Variants in RBFOX2 observed in about 807,000 individuals in gnomAD.
RBFOX2 encodes RNA binding protein fox-1 homolog 2.
Under a neutral mutation model 49.1 loss-of-function variants are expected in RBFOX2, and 10 were observed. That is an observed-to-expected ratio of 0.20 (90% confidence interval 0.13 to 0.35). The LOEUF is 0.35. RBFOX2 is among the 10% of genes least tolerant of loss of function. RBFOX2 has a pLI of 1.00. For synonymous variants in RBFOX2, 183 were observed against 187.4 expected (o/e 0.98, Z 0.19); for missense variants, 323 against 486.9 (o/e 0.66, Z 3.17).
rs1003522395 is a variant in RBFOX2 at position 35,763,291 on chromosome 22, G to A, written c.608-1823C>T. Among the ~76,000 whole-genome samples the A allele has an allele frequency of 4.6e-5, 7 of 152,244 alleles. No homozygotes were observed. In the East Asian group the frequency reaches 5.8e-4, roughly 13 times the overall value. On this transcript the variant is annotated intron_variant, in intron 6 of 11. Transcript: ENST00000405409. ...TAAATCCACATAATGGGCAGGCACCGTAGCTCAAGCCTGTAATCCCAGCAC... is the reference window on the plus strand; with the variant it reads ...TAAATCCACATAATGGGCAGGCACCATAGCTCAAGCCTGTAATCCCAGCAC...
At chr22:36,010,780 T>C (rs1161635976) in intron 1 of RBFOX2, among the ~76,000 whole-genome samples, 1 of 145,992 alleles carries the variant, frequency 6.8e-6, no homozygotes, top group Admixed American at 6.9e-5. Context: ...CACACACACG[T>C]GTGTTTATAT....
At chr22:35,807,447 T>C (rs2148058859) in intron 2 of RBFOX2, among the ~76,000 whole-genome samples, 1 of 151,910 alleles carries the variant, frequency 6.6e-6, no homozygotes, top group Non-Finnish European at 1.5e-5. Flanking sequence ...AGAAAGAAAT[T>C]TGGGGGAAAT....
chr22:36,024,602 G>A (rs1309800426), intron 1 of RBFOX2, among the ~76,000 whole-genome samples: 9 of 151,792 alleles, frequency 5.9e-5, no homozygotes, highest in Admixed American at 1.3e-4. Context: ...TTAGCGGGGT[G>A]TGGTGGCACA....
chr22:35,809,726 A>G, intron 2 of RBFOX2, 54 bp downstream of exon 3: 1 of 1,565,140 alleles, frequency 6.4e-7, no homozygotes, highest in Non-Finnish European at 8.8e-7. Flanking sequence ...TAAGGCGACA[A>G]TTTCTATATG....
chr22:35,817,339 T>C (rs1407537195), intron 1 of RBFOX2, among the ~76,000 whole-genome samples: 1 of 151,998 alleles, frequency 6.6e-6, no homozygotes, highest in Non-Finnish European at 1.5e-5. Flanking sequence ...CAGCCAGGTG[T>C]GATGGTGCAC....
rs1265126628 is a variant in RBFOX2 at position 36,028,226 on chromosome 22, T to C, written c.186+14A>G. 6.7e-7 allele frequency: 1 copy of C among 1,494,418 alleles called. No homozygotes were observed. The highest frequency in any genetic ancestry group is 1.5e-5 in the African/African-American group (1 of 68,644). The allele number at this position is 1,494,418 out of a possible 1,614,324, so 92.6% of individuals were successfully genotyped here. ...ACCCCCGCAATAACTGGGCGCCCCG[T>C]CCCGCGCGGTCACCTGCATCCCGCC... On this transcript the variant is annotated intron_variant, in intron 1 of 13. Transcript: ENST00000438146.
intron 1 of RBFOX2, among the ~76,000 whole-genome samples, chr22:35,949,525 AGC>A (rs1479832928): frequency 2.0e-5 from 3 of 152,220 alleles, no homozygotes; most frequent in Admixed American, 2.0e-4. Flanking sequence ...CCACCGGCAA[AGC>A]ACAAGAGTTT....
chr22:35,931,258 GA>G (rs891992911), intron 1 of RBFOX2, among the ~76,000 whole-genome samples: 26 of 149,222 alleles, frequency 1.7e-4, no homozygotes, highest in African/African-American at 3.9e-4. Flanking sequence ...TAACAGGGGG[GA>G]AAAAAAGCAA....
intron 1 of RBFOX2, among the ~76,000 whole-genome samples, chr22:35,861,653 A>G (rs956689544): frequency 1.3e-5 from 2 of 152,224 alleles, no homozygotes; most frequent in African/African-American, 4.8e-5. Context: ...TGGCAAGGCT[A>G]TGGAGGAACC....
chr22:35,875,651 T>A (rs1780919731), intron 1 of RBFOX2, among the ~76,000 whole-genome samples: 1 of 149,000 alleles, frequency 6.7e-6, no homozygotes, highest in African/African-American at 2.5e-5. Flanking sequence ...TGTGTGTGTG[T>A]GTGTGTGTGT....
chr22:35,777,859 T>C, intron 4 of RBFOX2, 166 bp downstream of exon 5: 1 of 655,144 alleles, frequency 1.5e-6, no homozygotes, highest in Non-Finnish European at 2.6e-6. Flanking sequence ...GAATAAAGTT[T>C]GGCCATGTGG....
At chr22:35,952,254 C>T (rs1176598193) in intron 1 of RBFOX2, among the ~76,000 whole-genome samples, 1 of 152,162 alleles carries the variant, frequency 6.6e-6, no homozygotes, top group East Asian at 1.9e-4. Context: ...TGGACTTCAC[C>T]GCATGCACCT....
intron 1 of RBFOX2, chr22:35,995,106 C>T (rs1039896662): frequency 6.6e-6 from 1 of 152,220 alleles, no homozygotes; most frequent in African/African-American, 2.4e-5. Context: ...AGAGGAACAA[C>T]TACTTTGAAG....
chr22:35,837,945 C>A (rs1324398095), intron 1 of RBFOX2, among the ~76,000 whole-genome samples: 1 of 152,152 alleles, frequency 6.6e-6, no homozygotes, highest in Non-Finnish European at 1.5e-5. Flanking sequence ...AATGGTCACA[C>A]ACACTACACT....
At chr22:35,809,945 T>A (rs955375463) in exon 2 of RBFOX2, 1 of 1,613,952 alleles carries the variant, frequency 6.2e-7, no homozygotes, top group Admixed American at 1.7e-5. Flanking sequence ...GTGGTGGAAA[T>A]GGGATGGTAG....
intron 2 of RBFOX2, among the ~76,000 whole-genome samples, chr22:35,791,358 C>T (rs1294995441): frequency 1.3e-5 from 2 of 149,828 alleles, no homozygotes; most frequent in Non-Finnish European, 3.0e-5. Context: ...GCACTCCAGC[C>T]TGGGCAACAG....
At position 35,759,862 on chromosome 22, in the gene RBFOX2, T is replaced by C. The variant is rs1938148606; in HGVS notation, c.887+26A>G. 7 of 1,611,614 alleles carry C rather than the reference T, an allele frequency of 4.3e-6. No individual in the cohort carries two copies. The highest frequency in any genetic ancestry group is 5.9e-6 in the Non-Finnish European group (7 of 1,178,586). Reference sequence around the variant, plus strand: ...GGTCCAACTGCTTATTTTAGAAACATACTGATTTTGGAATCTAACGCTTAC... The same window carrying C: ...GGTCCAACTGCTTATTTTAGAAACACACTGATTTTGGAATCTAACGCTTAC... On this transcript the variant is annotated intron_variant, in intron 9 of 11. Transcript: ENST00000405409. This position sits in a 1 kb window ranked among gnomAD's most constrained non-coding sequence, Gnocchi z 4.6.
exon 1 of RBFOX2, chr22:35,840,335 T>G: frequency 6.2e-7 from 1 of 1,603,058 alleles, no homozygotes; most frequent in Non-Finnish European, 8.5e-7. Context: ...GGGTAATTGA[T>G]CTCTCTTTAT....
At chr22:35,798,552 A>G (rs1290260763) in intron 2 of RBFOX2, among the ~76,000 whole-genome samples, 1 of 152,246 alleles carries the variant, frequency 6.6e-6, no homozygotes, top group Non-Finnish European at 1.5e-5. Flanking sequence ...GAGGAGTAAT[A>G]ACGATACCTA....
Sources: gnomAD v4.1 joint callset for allele counts (sites outside exome capture counted in the v4.1 genomes callset) on GRCh38, gnomAD v4.1.1 for gene constraint, Gnocchi (gnomAD v3.1) non-coding constraint, MANE v1.5 for transcripts, NCBI Gene and HGNC (gene_info 2026-07-23, HGNC 2026-07-21) for gene names.